Variants in STK32C observed in about 807,000 individuals in gnomAD.
STK32C encodes serine/threonine-protein kinase 32C.
Under a neutral mutation model 56.5 loss-of-function variants are expected in STK32C, and 31 were observed. The observed-to-expected ratio is 0.55, with a 90% confidence interval of 0.41 to 0.74. STK32C has a LOEUF of 0.74. STK32C is among the 30% of genes least tolerant of loss of function. The pLI is 0.00. For missense variants in STK32C, 544 were observed against 676.9 expected (o/e 0.80, Z 2.18); for synonymous variants, 309 against 289.4 (o/e 1.07, Z -0.69).
Position 132,331,729 on chromosome 10 carries a change from C to T in STK32C, c.8G>A (p.Ser3Asn), listed in dbSNP as rs770350693. Residue 3 changes from serine (S) to asparagine (N), a missense_variant, in exon 1 of 2, where the codon AGT becomes AAT. Transcript: ENST00000368619. ...GGGCCCTCCGGCTCCCCAGACGGCA[C>T]TTAGCATCCCGCTCTCTTCCTTCCC... is the stretch of plus-strand genomic sequence containing the variant. The T allele has an allele frequency of 2.2e-5, 35 of 1,612,354 alleles. No homozygotes were observed. In the East Asian group the frequency reaches 3.8e-4, roughly 17 times the overall value.
chr10:132,284,093 A>G (rs917074761), intron 1 of STK32C, among the ~76,000 whole-genome samples: 4 of 151,860 alleles, frequency 2.6e-5, no homozygotes, highest in Non-Finnish European at 5.9e-5. Flanking sequence ...AACCATGAGC[A>G]GAGCTGGCCA....
At chr10:132,306,178 C>T (rs562770617) in intron 1 of STK32C, among the ~76,000 whole-genome samples, 1 of 152,318 alleles carries the variant, frequency 6.6e-6, no homozygotes, top group Admixed American at 6.5e-5. Context: ...CCGGAGAGCA[C>T]GGTGCCGAGA....
At chr10:132,304,150 G>A (rs1050809632) in intron 1 of STK32C, among the ~76,000 whole-genome samples, 3 of 152,218 alleles carry the variant, frequency 2.0e-5, no homozygotes, top group Admixed American at 6.5e-5. Context: ...TCAATACGTC[G>A]TTTATGATAT....
chr10:132,215,258 C>T (rs1196058152), intron 10 of STK32C, among the ~76,000 whole-genome samples: 1 of 152,180 alleles, frequency 6.6e-6, no homozygotes, highest in Non-Finnish European at 1.5e-5. Flanking sequence ...AAGCAATCCT[C>T]TCACGTCACT....
At chr10:132,286,358 T>A (rs376577530) in intron 1 of STK32C, among the ~76,000 whole-genome samples, 1 of 152,202 alleles carries the variant, frequency 6.6e-6, no homozygotes. Context: ...AAACATTTAA[T>A]GGAAAAACAC....
intron 10 of STK32C, among the ~76,000 whole-genome samples, chr10:132,211,744 G>A (rs891472570): frequency 1.8e-4 from 27 of 152,198 alleles, no homozygotes; most frequent in African/African-American, 6.5e-4. Context: ...TGACTGACTG[G>A]TGTGGGTGTT....
intron 8 of STK32C, among the ~76,000 whole-genome samples, chr10:132,223,823 T>C (rs1244870282): frequency 1.3e-5 from 2 of 152,196 alleles, no homozygotes; most frequent in African/African-American, 2.4e-5. Context: ...ATGGTGTTAA[T>C]GCGAGGCTCG....
intron 2 of STK32C, among the ~76,000 whole-genome samples, chr10:132,241,620 T>C (rs1051789905): frequency 1.3e-5 from 2 of 152,162 alleles, no homozygotes; most frequent in Non-Finnish European, 2.9e-5. Flanking sequence ...TATTCAGAAG[T>C]CCGTGTGGAA....
chr10:132,263,074 A>T (rs1209430530), intron 1 of STK32C, among the ~76,000 whole-genome samples: 1 of 152,258 alleles, frequency 6.6e-6, no homozygotes. Flanking sequence ...CATTTGATCC[A>T]GCAATCCCAT....
chr10:132,225,736 AC>A lies in STK32C; in HGVS notation c.682+10del. 1 of 1,614,018 alleles carries A rather than the reference AC, an allele frequency of 6.2e-7. No homozygotes were observed. The highest frequency in any genetic ancestry group is 1.1e-5 in the South Asian group (1 of 91,076). On this transcript the variant is annotated intron_variant, in intron 5 of 11. Transcript: ENST00000298630. ...CACCCACCTGGGCTGCCCACACCCA[AC>A]CCCACACACCTCTCTCATCCAGGAG... is the stretch of plus-strand genomic sequence containing the variant.
At chr10:132,272,336 G>A (rs569441581) in intron 1 of STK32C, among the ~76,000 whole-genome samples, 13 of 152,338 alleles carry the variant, frequency 8.5e-5, no homozygotes, top group South Asian at 2.1e-4. Context: ...GCGTGGTCTC[G>A]GACTTCCAGC....
intron 1 of STK32C, among the ~76,000 whole-genome samples, chr10:132,280,355 A>G (rs2065136000): frequency 7.0e-6 from 1 of 142,200 alleles, no homozygotes; most frequent in Admixed American, 7.1e-5. Context: ...CCACTCCGTG[A>G]CCATGCCCCT....
At chr10:132,281,255 C>T (rs2065196299) in intron 1 of STK32C, among the ~76,000 whole-genome samples, 2 of 152,006 alleles carry the variant, frequency 1.3e-5, no homozygotes, top group Admixed American at 6.5e-5. Flanking sequence ...TCTTTTGCTT[C>T]TCTAGACTAT....
In STK32C at chr10:132,207,973, A is replaced by G. The variant is rs2062150529; in HGVS notation, c.*37T>C. ...CCTCCCTCTGGCAGCCGAGTCTCCA[A>G]AGCAGCTCAAGGGGTGAGGACCACG... On this transcript the variant is annotated 3_prime_UTR_variant, in exon 12 of 12. Transcript: ENST00000298630. 2 of 1,291,502 alleles carry G rather than the reference A, an allele frequency of 1.5e-6. No individual in the cohort carries two copies. Among genetic ancestry groups the G allele is most frequent in the South Asian group, 3.5e-5 (1 of 28,794 alleles). The allele number at this position is 1,291,502 out of a possible 1,614,324, so 80.0% of individuals were successfully genotyped here. A position where few individuals can be genotyped will look rare whatever the true frequency, so the allele number is the denominator to read the frequency against.
intron 1 of STK32C, among the ~76,000 whole-genome samples, chr10:132,296,765 A>C (rs2061593031): frequency 6.6e-6 from 1 of 152,236 alleles, no homozygotes; most frequent in African/African-American, 2.4e-5. Flanking sequence ...TTGGAGACAG[A>C]AAGGGGCCGC....
chr10:132,293,875 C>A (rs2065649453), intron 1 of STK32C, among the ~76,000 whole-genome samples: 1 of 152,186 alleles, frequency 6.6e-6, no homozygotes, highest in East Asian at 1.9e-4. Flanking sequence ...CAGAAGGAGC[C>A]AGGGCACAGG....
chr10:132,227,086 G>A, intron 3 of STK32C, 118 bp from the exon 4 acceptor site: 1 of 1,206,828 alleles, frequency 8.3e-7, no homozygotes, highest in Middle Eastern at 2.7e-4. Context: ...CAGCCACCAG[G>A]CATTCCCAGG....
chr10:132,225,119 G>C (rs1255110451), intron 7 of STK32C, 114 bp downstream of exon 7: 2 of 764,362 alleles, frequency 2.6e-6, no homozygotes, highest in African/African-American at 1.8e-5. Flanking sequence ...CTCAGACACA[G>C]TGGAGACATC....
intron 1 of STK32C, among the ~76,000 whole-genome samples, chr10:132,259,938 A>G (rs1019346349): frequency 5.9e-5 from 9 of 152,210 alleles, no homozygotes; most frequent in Non-Finnish European, 1.2e-4. Context: ...TTCGCAGGGC[A>G]GGGGTTGTTG....
Sources: allele counts gnomAD v4.1 joint callset (sites outside exome capture counted in the v4.1 genomes callset), GRCh38; gene constraint gnomAD v4.1.1; transcripts MANE v1.5; gene names NCBI Gene and HGNC (gene_info 2026-07-23, HGNC 2026-07-21).